ABHD3: variants seen among roughly 807,000 people sequenced by gnomAD.
The protein encoded by ABHD3 is abhydrolase domain containing 3, phospholipase.
In ABHD3, 46 loss-of-function variants were observed where a neutral mutation model predicts 48.8. The observed-to-expected ratio is 0.94, with a 90% CI of 0.74 to 1.20. The LOEUF (loss-of-function observed/expected upper bound fraction) is 1.20. Ranked by LOEUF, ABHD3 falls within the 50% of genes most tolerant of loss-of-function variation. ABHD3 has a pLI of 0.00. For missense variants in ABHD3, 490 were observed against 497.8 expected, an observed-to-expected ratio of 0.98 and a Z score of 0.15; for synonymous variants, 192 against 183.7, an observed-to-expected ratio of 1.04 and a Z score of -0.36.
At chr18:21,676,540 G>A (rs1471469897) in intron 4 of ABHD3, among the ~76,000 whole-genome samples, 2 of 152,116 alleles carry the variant, frequency 1.3e-5, no homozygotes, top group East Asian at 1.9e-4. Flanking sequence ...ACAGGCATGC[G>A]CCACCACACC....
chr18:21,693,896 T>C (rs377390742), intron 3 of ABHD3, among the ~76,000 whole-genome samples: 1 of 152,158 alleles, frequency 6.6e-6, no homozygotes, highest in East Asian at 1.9e-4. Flanking sequence ...CTAACCCTTT[T>C]GTTTTGCTGT....
rs181262151 is a variant in ABHD3, at chr18:21,692,191, C to G, written c.510-8226G>C. ...TCTCGAACTCCTGACCTCAGGTGAT[C>G]CACCTGCCTCAGCCTCCCAAAGTGC... On this transcript the variant is annotated intron_variant, in intron 3 of 8. Coordinates refer to ENST00000289119, the MANE Select transcript of ABHD3 (RefSeq NM_138340.5). Among the ~76,000 whole-genome samples, 107 of 152,288 alleles carry G rather than the reference C, an allele frequency of 7.0e-4. 2 individuals carry two copies. Among genetic ancestry groups the G allele is most frequent in the African/African-American group, 2.4e-3 (101 of 41,568 alleles).
At chr18:21,668,200 CAAAAAA>C (rs747590942) in intron 4 of ABHD3, among the ~76,000 whole-genome samples, 1 of 61,354 alleles carries the variant, frequency 1.6e-5, no homozygotes, top group African/African-American at 7.5e-5. Flanking sequence ...GAATCTATCT[CAAAAAA>C]AAAAAAAAAA....
rs1450904055 is a variant in ABHD3 at position 21,659,195 on chromosome 18, T to C, written c.817A>G (p.Thr273Ala). The C allele has an allele frequency of 3.1e-6, 5 of 1,613,596 alleles. No individual in the cohort carries two copies. Among genetic ancestry groups the C allele is most frequent in the South Asian group, 2.2e-5 (2 of 90,938 alleles). The stretch of plus-strand genomic sequence containing the variant: ...TTATTAACTGAAGACTGAAGGCAGG[T>C]TGTCAAATAGTAATTAAAAAGTAGC... ...NWLLFNYYLTTCLQSSVNKHR... is the reference protein window; with the variant it reads ...NWLLFNYYLTACLQSSVNKHR... Residue 273 changes from threonine to alanine, a missense_variant, in exon 6 of 9, where the codon ACC becomes GCC. Transcript: ENST00000289119.
intron 3 of ABHD3, among the ~76,000 whole-genome samples, chr18:21,693,734 G>T (rs2040305082): frequency 6.6e-6 from 1 of 152,144 alleles, no homozygotes; most frequent in African/African-American, 2.4e-5. Context: ...TCTCACAAAT[G>T]ATCAGTTAAC....
intron 5 of ABHD3, among the ~76,000 whole-genome samples, chr18:21,661,316 G>A (rs1350570117): frequency 6.6e-6 from 1 of 152,030 alleles, no homozygotes; most frequent in Admixed American, 6.6e-5. Context: ...ACAGTAATAT[G>A]GTTTTGTTTT....
At position 21,681,790 on chromosome 18, in the gene ABHD3, T is replaced by C. The variant is rs562299250; in HGVS notation, c.555+2130A>G. On this transcript the variant is annotated intron_variant, in intron 4 of 8. Transcript: ENST00000289119. ...GTCTGAATCCTGGCTCTGTCATTTG[T>C]TGGGAGGGGTAAGTTCCTAACCTAC... Among the ~76,000 whole-genome samples the C allele has an allele frequency of 6.6e-5, 10 of 152,272 alleles. No homozygotes were observed. The East Asian group carries it at 9.7e-4, about 15-fold the overall frequency.
intron 4 of ABHD3, among the ~76,000 whole-genome samples, chr18:21,669,303 A>C (rs924538545): frequency 6.6e-6 from 1 of 152,170 alleles, no homozygotes; most frequent in Non-Finnish European, 1.5e-5. Context: ...GAGATTCAGC[A>C]AATCTAGAAC....
intron 4 of ABHD3, chr18:21,682,396 C>T (rs947161319): frequency 4.6e-5 from 7 of 152,222 alleles, no homozygotes; most frequent in Non-Finnish European, 8.8e-5. Flanking sequence ...CAACTCAGAA[C>T]GCTACCTCCT....
chr18:21,668,811 G>GGCACTGCCTTCATTCTAGATAAA (rs1303881926), intron 4 of ABHD3, among the ~76,000 whole-genome samples: 1 of 152,090 alleles, frequency 6.6e-6, no homozygotes, highest in Non-Finnish European at 1.5e-5. Context: ...GTGGATTTCT[G>GGCACTGCCTTCATTCTAGATAAA]GCACTGCCTT....
chr18:21,697,145 G>A (rs187845891), intron 3 of ABHD3, among the ~76,000 whole-genome samples: 5 of 148,374 alleles, frequency 3.4e-5, no homozygotes, highest in Non-Finnish European at 5.9e-5. Context: ...GTGCGATCTC[G>A]GATTACTGCA....
At chr18:21,671,395 C>G (rs1004015226) in intron 4 of ABHD3, among the ~76,000 whole-genome samples, 5 of 152,160 alleles carry the variant, frequency 3.3e-5, no homozygotes, top group African/African-American at 1.2e-4. Flanking sequence ...CCAGAATACA[C>G]AGCAAAGACA....
chr18:21,659,054 T>G, intron 6 of ABHD3, 116 bp downstream of exon 6: 2 of 1,040,230 alleles, frequency 1.9e-6, no homozygotes, highest in Non-Finnish European at 2.7e-6. Flanking sequence ...TTGGCCAGGA[T>G]GGTCTCGATC....
chr18:21,666,288 G>T (rs1376325526), intron 4 of ABHD3, among the ~76,000 whole-genome samples: 1 of 152,146 alleles, frequency 6.6e-6, no homozygotes, highest in Non-Finnish European at 1.5e-5. Context: ...CTGCCTCGCG[G>T]GTTCAAGCGA....
chr18:21,702,659 T>C (rs2040539678), intron 2 of ABHD3, among the ~76,000 whole-genome samples, 161 bp from the exon 3 acceptor site: 1 of 152,220 alleles, frequency 6.6e-6, no homozygotes, highest in Admixed American at 6.5e-5. Context: ...TTTTCTTTCA[T>C]TAGAAGGATT....
intron 8 of ABHD3, among the ~76,000 whole-genome samples, chr18:21,654,422 T>A (rs1208033033): frequency 6.6e-6 from 1 of 152,102 alleles, no homozygotes; most frequent in African/African-American, 2.4e-5. Flanking sequence ...TGACCCTTCA[T>A]AACACTCTAA....
intron 3 of ABHD3, among the ~76,000 whole-genome samples, chr18:21,700,144 C>A (rs2040475437): frequency 6.6e-6 from 1 of 152,068 alleles, no homozygotes; most frequent in South Asian, 2.1e-4. Context: ...GGCTGGAGTG[C>A]AGTGGTGCCA....
chr18:21,653,671 G>C (rs1169255863), intron 8 of ABHD3, among the ~76,000 whole-genome samples: 1 of 150,482 alleles, frequency 6.6e-6, no homozygotes, highest in African/African-American at 2.4e-5. Flanking sequence ...GGGATCTCTT[G>C]AGGCTAGGAG....
intron 4 of ABHD3, among the ~76,000 whole-genome samples, chr18:21,679,774 C>T (rs1259253175): frequency 6.6e-6 from 1 of 152,208 alleles, no homozygotes; most frequent in African/African-American, 2.4e-5. Flanking sequence ...ATCCACGCAC[C>T]TCAGCCTCCC....
Sources: gnomAD v4.1 joint callset for allele counts (sites outside exome capture counted in the v4.1 genomes callset) on GRCh38, gnomAD v4.1.1 for gene constraint, MANE v1.5 for transcripts, NCBI Gene and HGNC (gene_info 2026-07-23, HGNC 2026-07-21) for gene names.